Variants in SPIDR observed in about 807,000 individuals in gnomAD.
The protein encoded by SPIDR is DNA repair-scaffolding protein.
A neutral mutation model predicts 104.6 loss-of-function variants in SPIDR; 93 were observed. That is an observed-to-expected ratio of 0.89 (90% CI 0.75 to 1.06). The LOEUF (loss-of-function observed/expected upper bound fraction) is 1.06, where lower values mean the gene tolerates loss of function less well. SPIDR is among the 50% of genes least tolerant of loss of function. The pLI is 0.00. For missense variants in SPIDR, 1,154 were observed against 1,111.2 expected (o/e 1.04, Z -0.55); for synonymous variants, 431 against 416.9 (o/e 1.03, Z -0.41).
intron 5 of SPIDR, among the ~76,000 whole-genome samples, chr8:47,374,226 A>C (rs995740600): frequency 1.3e-5 from 2 of 152,348 alleles, no homozygotes; most frequent in East Asian, 3.9e-4. Flanking sequence ...AGTTCCATTA[A>C]AACTTTTTTT....
intron 6 of SPIDR, among the ~76,000 whole-genome samples, chr8:47,399,885 G>T (rs1308976120): frequency 1.3e-5 from 2 of 152,196 alleles, no homozygotes; most frequent in Admixed American, 6.5e-5. Context: ...TACTAGAGGT[G>T]ATGAGCTGGG....
intron 8 of SPIDR, among the ~76,000 whole-genome samples, chr8:47,450,242 G>C (rs1460307119): frequency 6.6e-6 from 1 of 152,160 alleles, no homozygotes; most frequent in Non-Finnish European, 1.5e-5. Flanking sequence ...TATTTGTTGA[G>C]GGCCTTCGTT....
Position 47,550,848 on chromosome 8 carries a change from G to GCTCCTTCACA in SPIDR, c.1098-44963_1098-44962insCTCCTTCACA, listed in dbSNP as rs1302299018. Among the ~76,000 whole-genome samples the GCTCCTTCACA allele has an allele frequency of 0.011, 1,750 of 152,212 alleles. 65 individuals carry two copies. The East Asian group carries it at 0.14, about 12-fold the overall frequency. On this transcript the variant is annotated intron_variant, in intron 8 of 19. Transcript: ENST00000297423. ...AGGAGGGCATCCCTGTCTTGTGCCGGTTTTCAAAAGGAATGCTTCCAGCTT... is the reference window on the plus strand; with the variant it reads ...AGGAGGGCATCCCTGTCTTGTGCCGGCTCCTTCACATTTTCAAAAGGAATGCTTCCAGCTT...
At chr8:47,308,887 A>G (rs1554583160) in intron 5 of SPIDR, among the ~76,000 whole-genome samples, 1 of 152,260 alleles carries the variant, frequency 6.6e-6, no homozygotes, top group Non-Finnish European at 1.5e-5. Flanking sequence ...GATAGCTGCT[A>G]CTGTGCTAGT....
At chr8:47,471,286 A>C (rs911622610) in intron 8 of SPIDR, among the ~76,000 whole-genome samples, 23 of 151,508 alleles carry the variant, frequency 1.5e-4, no homozygotes, top group Non-Finnish European at 3.2e-4. Context: ...CTAATGGATT[A>C]CTATCCAGAA....
intron 10 of SPIDR, among the ~76,000 whole-genome samples, chr8:47,660,257 G>A (rs1325257722): frequency 2.0e-5 from 3 of 152,078 alleles, no homozygotes; most frequent in African/African-American, 7.2e-5. Flanking sequence ...TTGGCATAAT[G>A]GACATTAAGT....
intron 5 of SPIDR, among the ~76,000 whole-genome samples, chr8:47,315,378 A>G (rs587602200): frequency 2.1e-4 from 32 of 152,302 alleles, no homozygotes; most frequent in Non-Finnish European, 8.8e-5. Context: ...CTGTAACTAC[A>G]GTAGAATTTA....
intron 8 of SPIDR, among the ~76,000 whole-genome samples, chr8:47,525,813 A>G (rs1449940591): frequency 6.6e-6 from 1 of 150,518 alleles, no homozygotes; most frequent in East Asian, 1.9e-4. Context: ...CGGTGGTAGC[A>G]CTGCTGGCTA....
chr8:47,416,900 T>C (rs1251083789), intron 7 of SPIDR, among the ~76,000 whole-genome samples: 1 of 107,460 alleles, frequency 9.3e-6, no homozygotes, highest in East Asian at 3.4e-4. Flanking sequence ...CTTGCGATAA[T>C]TTGCTGAGAG....
intron 5 of SPIDR, chr8:47,360,777 CTG>C (rs1389674485): frequency 1.0e-6 from 1 of 954,764 alleles, no homozygotes; most frequent in African/African-American, 1.8e-5. Context: ...GTGAAAAAGT[CTG>C]TGGGGCAAAA....
chr8:47,584,218 C>T (rs761271290), intron 8 of SPIDR, among the ~76,000 whole-genome samples: 1 of 152,152 alleles, frequency 6.6e-6, no homozygotes, highest in African/African-American at 2.4e-5. Flanking sequence ...CATTCAGATT[C>T]CCTAATTCAG....
chr8:47,298,691 C>A (rs1197763038), intron 5 of SPIDR, among the ~76,000 whole-genome samples: 6 of 152,182 alleles, frequency 3.9e-5, no homozygotes, highest in Admixed American at 6.5e-5. Context: ...GTTTTCCCAG[C>A]ACCATTTGTA....
intron 11 of SPIDR, among the ~76,000 whole-genome samples, chr8:47,683,003 C>T (rs527337284): frequency 6.6e-6 from 1 of 152,262 alleles, no homozygotes; most frequent in South Asian, 2.1e-4. Flanking sequence ...TGTGATCAGG[C>T]TTGGAACACC....
chr8:47,711,033 G>A (rs2081809044), intron 14 of SPIDR, among the ~76,000 whole-genome samples: 1 of 151,854 alleles, frequency 6.6e-6, no homozygotes. Flanking sequence ...CAACGTGCTG[G>A]GATTACAGGT....
At chr8:47,656,623 A>ACT (rs1339807991) in intron 10 of SPIDR, among the ~76,000 whole-genome samples, 1 of 152,206 alleles carries the variant, frequency 6.6e-6, no homozygotes, top group African/African-American at 2.4e-5. Flanking sequence ...AAAGTTAAAC[A>ACT]TGGAATTACC....
intron 8 of SPIDR, among the ~76,000 whole-genome samples, chr8:47,525,464 T>A (rs562080998): frequency 5.6e-4 from 86 of 152,282 alleles, no homozygotes; most frequent in African/African-American, 2.0e-3. Context: ...AATTTTATGT[T>A]CTCCCTCTTT....
chr8:47,714,827 C>G (rs879606299), intron 16 of SPIDR, among the ~76,000 whole-genome samples: 1 of 152,166 alleles, frequency 6.6e-6, no homozygotes, highest in Non-Finnish European at 1.5e-5. Context: ...CAGGATCTCT[C>G]GTGTTTTTGC....
chr8:47,352,552 G>A (rs1206942350), intron 5 of SPIDR, among the ~76,000 whole-genome samples: 2 of 152,104 alleles, frequency 1.3e-5, no homozygotes, highest in Admixed American at 6.5e-5. Flanking sequence ...TTCTGCCAGC[G>A]TAGACTGCTA....
At chr8:47,612,113 T>A (rs535978474) in intron 10 of SPIDR, among the ~76,000 whole-genome samples, 1 of 152,192 alleles carries the variant, frequency 6.6e-6, no homozygotes, top group Non-Finnish European at 1.5e-5. Flanking sequence ...AGGACTAGAT[T>A]ATATTTGCCT....
Sources: allele counts gnomAD v4.1 joint callset (sites outside exome capture counted in the v4.1 genomes callset), GRCh38; gene constraint gnomAD v4.1.1; transcripts MANE v1.5; gene names NCBI Gene and HGNC (gene_info 2026-07-23, HGNC 2026-07-21).